The following RTF2 variants were observed in gnomAD, a reference collection of about 807,000 sequenced individuals.
RTF2 encodes the protein replication termination factor 2.
In RTF2, 18 loss-of-function variants were observed where a neutral mutation model predicts 38.0. That is an observed-to-expected ratio of 0.47 (90% confidence interval 0.33 to 0.70). RTF2 has a LOEUF of 0.70. Among genes scored for constraint, RTF2 ranks in the 30% least tolerant of loss-of-function variants. RTF2 has a pLI of 0.02. For synonymous variants in RTF2, 126 were observed against 137.1 expected, an observed-to-expected ratio of 0.92 and a Z score of 0.57; for missense variants, 311 against 379.6, an observed-to-expected ratio of 0.82 and a Z score of 1.50.
At chr20:56,484,898 T>G (rs1982712374) in intron 5 of RTF2, among the ~76,000 whole-genome samples, 1 of 151,938 alleles carries the variant, frequency 6.6e-6, no homozygotes, top group Non-Finnish European at 1.5e-5. Flanking sequence ...TATTTTCCTG[T>G]ATCAACCCTG....
chr20:56,475,495 C>T (rs1457753369), intron 3 of RTF2, among the ~76,000 whole-genome samples: 4 of 152,178 alleles, frequency 2.6e-5, no homozygotes, highest in African/African-American at 7.2e-5. Flanking sequence ...ATGTTCATTT[C>T]AGGCAAATTC....
intron 1 of RTF2, chr20:56,472,291 T>G: frequency 8.7e-7 from 1 of 1,147,778 alleles, no homozygotes; most frequent in African/African-American, 1.6e-5. Context: ...TCTTCCTATT[T>G]TCTTCCAAAT....
In RTF2 at chr20:56,506,502, A is replaced by T. The variant is rs369639325; in HGVS notation, c.478-6813A>T. On this transcript the variant is annotated intron_variant, in intron 5 of 8. Transcript: ENST00000357348. The stretch of plus-strand genomic sequence containing the variant: ...GATATAAATATCTAGATACATTAGC[A>T]TATTGCTCCTAATTTGACCACTGTT... 3.3e-5 allele frequency among the ~76,000 whole-genome samples: 5 copies of T among 152,308 alleles called. 1 individual carries two copies. The highest frequency in any genetic ancestry group is 1.9e-4 in the East Asian group (1 of 5,184).
chr20:56,501,632 A>G (rs1029062039), intron 5 of RTF2, among the ~76,000 whole-genome samples: 1 of 152,186 alleles, frequency 6.6e-6, no homozygotes, highest in African/African-American at 2.4e-5. Flanking sequence ...CTAGATCACA[A>G]ACAGTTTCTA....
intron 5 of RTF2, chr20:56,491,486 T>G: frequency 1.1e-6 from 1 of 938,918 alleles, no homozygotes; most frequent in Non-Finnish European, 1.7e-6. Context: ...ATTTTCCCAC[T>G]TCTTTGGTTC....
At chr20:56,489,221 A>ATTT (rs11481363) in intron 5 of RTF2, among the ~76,000 whole-genome samples, 6 of 136,748 alleles carry the variant, frequency 4.4e-5, no homozygotes, top group African/African-American at 8.2e-5. Context: ...ATGCCTGGTT[A>ATTT]TTTTTTTTTT....
At chr20:56,491,864 G>C in intron 5 of RTF2, 2 of 1,020,508 alleles carry the variant, frequency 2.0e-6, no homozygotes, top group Non-Finnish European at 3.0e-6. Context: ...CGCATGCTCC[G>C]TCCGGTGTCA....
At chr20:56,499,628 G>C (rs931487910) in intron 5 of RTF2, among the ~76,000 whole-genome samples, 3 of 151,980 alleles carry the variant, frequency 2.0e-5, no homozygotes, top group Non-Finnish European at 2.9e-5. Context: ...TCTCCTATAA[G>C]AATTTTGATT....
intron 4 of RTF2, among the ~76,000 whole-genome samples, chr20:56,477,679 G>A (rs1206973071): frequency 1.3e-5 from 2 of 151,710 alleles, no homozygotes; most frequent in African/African-American, 4.8e-5. Flanking sequence ...CACCACGCCC[G>A]GCCACTAATT....
chr20:56,485,359 G>T (rs1286535434), intron 5 of RTF2, among the ~76,000 whole-genome samples: 1 of 152,182 alleles, frequency 6.6e-6, no homozygotes, highest in Non-Finnish European at 1.5e-5. Flanking sequence ...GAGAGTGGAG[G>T]GCTGGTGAGG....
At chr20:56,472,535 GA>G (rs1982026672) in intron 1 of RTF2, 1 of 545,406 alleles carries the variant, frequency 1.8e-6, no homozygotes, top group Non-Finnish European at 3.3e-6. Flanking sequence ...CTGTTAAATT[GA>G]ACATTTTATA....
intron 4 of RTF2, among the ~76,000 whole-genome samples, chr20:56,481,399 G>A (rs1982519626): frequency 6.6e-6 from 1 of 152,182 alleles, no homozygotes; most frequent in African/African-American, 2.4e-5. Context: ...ACAACGAGGG[G>A]CTTCATGGAT....
intron 6 of RTF2, among the ~76,000 whole-genome samples, 154 bp downstream of exon 6, chr20:56,513,582 T>G (rs1306768951): frequency 6.6e-6 from 1 of 152,188 alleles, no homozygotes; most frequent in African/African-American, 2.4e-5. Flanking sequence ...AGATTCCAGC[T>G]GAGGCCCAGG....
rs145446477 is a variant in RTF2 at position 56,505,969 on chromosome 20, T to C, written c.478-7346T>C. The stretch of plus-strand genomic sequence containing the variant: ...CTTAATCCAAGCCAAAAAGGAGCTA[T>C]CTCCCTTGCCATTCAGATTAGCATA... On this transcript the variant is annotated intron_variant, in intron 5 of 8. Coordinates refer to ENST00000357348, the MANE Select transcript of RTF2 (RefSeq NM_016407.5). 2.9e-3 allele frequency among the ~76,000 whole-genome samples: 444 copies of C among 152,272 alleles called. 3 individuals are homozygous for C. Among genetic ancestry groups the C allele is most frequent in the African/African-American group, 0.01 (422 of 41,542 alleles).
At chr20:56,505,569 C>T (rs1203972273) in intron 5 of RTF2, among the ~76,000 whole-genome samples, 2 of 151,642 alleles carry the variant, frequency 1.3e-5, no homozygotes, top group African/African-American at 4.8e-5. Context: ...CACACTGGCC[C>T]ATTCCTGGGG....
intron 5 of RTF2, among the ~76,000 whole-genome samples, chr20:56,507,679 A>C (rs1271600762): frequency 1.3e-5 from 2 of 152,182 alleles, no homozygotes; most frequent in African/African-American, 4.8e-5. Context: ...TGATAGAAAG[A>C]AGCAGCAGCA....
intron 5 of RTF2, among the ~76,000 whole-genome samples, chr20:56,508,033 G>C (rs1984394546): frequency 6.6e-6 from 1 of 152,190 alleles, no homozygotes; most frequent in Non-Finnish European, 1.5e-5. Context: ...TTAAATGCTA[G>C]ATTGGGCACG....
At chr20:56,478,441 G>C (rs1256142222) in intron 4 of RTF2, among the ~76,000 whole-genome samples, 1 of 152,152 alleles carries the variant, frequency 6.6e-6, no homozygotes, top group African/African-American at 2.4e-5. Flanking sequence ...GCTGCAGTGA[G>C]GTATGATCAT....
chr20:56,495,184 TTTTG>T (rs771319270), intron 5 of RTF2: 11 of 1,531,112 alleles, frequency 7.2e-6, no homozygotes, highest in Admixed American at 2.0e-5. Context: ...TTTTGTTTTG[TTTTG>T]TTTTTCTTTT....
Sources: gnomAD v4.1 joint callset for allele counts (sites outside exome capture counted in the v4.1 genomes callset) on GRCh38, gnomAD v4.1.1 for gene constraint, MANE v1.5 for transcripts, NCBI Gene and HGNC (gene_info 2026-07-23, HGNC 2026-07-21) for gene names.